ERBB4: variants seen among roughly 807,000 people sequenced by gnomAD.
ERBB4 encodes erb-b2 receptor tyrosine kinase 4, also known as receptor tyrosine-protein kinase erbB-4.
A neutral mutation model predicts 158.0 loss-of-function variants in ERBB4; 42 were observed. The ratio of observed to expected loss-of-function variants is 0.27; its 90% CI spans 0.21 to 0.34. ERBB4 has a LOEUF of 0.34. ERBB4 is among the 10% of genes least tolerant of loss of function. The pLI is 1.00. For missense variants in ERBB4, 1,333 were observed against 1,624.1 expected, an observed-to-expected ratio of 0.82 and a Z score of 3.08; for synonymous variants, 583 against 558.7, an observed-to-expected ratio of 1.04 and a Z score of -0.61.
intron 1 of ERBB4, among the ~76,000 whole-genome samples, chr2:212,435,237 TC>T (rs780350022): frequency 6.6e-6 from 1 of 151,902 alleles, no homozygotes; most frequent in Non-Finnish European, 1.5e-5. Flanking sequence ...TACTACCTAA[TC>T]CCCAGGAGAA....
At chr2:212,405,763 A>T (rs1484632733) in intron 1 of ERBB4, among the ~76,000 whole-genome samples, 1 of 152,144 alleles carries the variant, frequency 6.6e-6, no homozygotes, top group Non-Finnish European at 1.5e-5. Context: ...CTTAGTAAGT[A>T]CATAATGTTG....
At chr2:211,445,150 G>A (rs536813115) in intron 20 of ERBB4, among the ~76,000 whole-genome samples, 9 of 152,158 alleles carry the variant, frequency 5.9e-5, no homozygotes, top group Middle Eastern at 3.4e-3. Flanking sequence ...CTAACATGAC[G>A]TGCACAGCAG....
At chr2:211,604,510 T>C (rs981622993) in intron 19 of ERBB4, among the ~76,000 whole-genome samples, 1 of 152,188 alleles carries the variant, frequency 6.6e-6, no homozygotes, top group African/African-American at 2.4e-5. Context: ...CGACTGCTGA[T>C]TTGTAAGTCA....
intron 20 of ERBB4, among the ~76,000 whole-genome samples, chr2:211,483,824 T>C (rs1285984730): frequency 6.6e-6 from 1 of 152,144 alleles, no homozygotes; most frequent in Non-Finnish European, 1.5e-5. Flanking sequence ...GTGCTGGGAC[T>C]ACAGGCATGA....
At chr2:212,249,260 G>C (rs1023330956) in intron 1 of ERBB4, among the ~76,000 whole-genome samples, 2 of 151,734 alleles carry the variant, frequency 1.3e-5, no homozygotes, top group African/African-American at 2.4e-5. Context: ...ATATGACTAA[G>C]GAAATTGTGT....
chr2:212,168,014 C>T (rs2081400937), intron 1 of ERBB4, among the ~76,000 whole-genome samples: 1 of 151,514 alleles, frequency 6.6e-6, no homozygotes, highest in Admixed American at 6.6e-5. Context: ...ACACGTATAC[C>T]TATGTAACAA....
At chr2:211,974,219 C>T (rs2081541198) in intron 2 of ERBB4, among the ~76,000 whole-genome samples, 1 of 152,050 alleles carries the variant, frequency 6.6e-6, no homozygotes, top group Admixed American at 6.6e-5. Flanking sequence ...CACTTGTACT[C>T]CTGAACTTAA....
intron 2 of ERBB4, among the ~76,000 whole-genome samples, chr2:212,095,035 A>G (rs2078888377): frequency 6.6e-6 from 1 of 152,194 alleles, no homozygotes; most frequent in South Asian, 2.1e-4. Flanking sequence ...GTAAACATCA[A>G]AAGTAATATT....
Position 211,730,860 on chromosome 2 carries a change from C to T in ERBB4, c.623-5666G>A, listed in dbSNP as rs755665137. Among the ~76,000 whole-genome samples the T allele has an allele frequency of 2.4e-4, 36 of 152,076 alleles. No homozygotes were observed. In the South Asian group the frequency reaches 2.5e-3, roughly 11 times the overall value. On this transcript the variant is annotated intron_variant, in intron 5 of 27. Coordinates refer to ENST00000342788, the MANE Select transcript of ERBB4 (RefSeq NM_005235.3). ...CCAATATTCAGTCTAGAGTTGAGAA[C>T]CTTTATTCTAACCAATGGGAGAAAT... is the stretch of plus-strand genomic sequence containing the variant.
chr2:211,571,038 C>CCTCTTTTTTTTTTTTTTTT (rs1437512949), intron 19 of ERBB4, among the ~76,000 whole-genome samples: 20 of 58,746 alleles, frequency 3.4e-4, no homozygotes, highest in African/African-American at 1.4e-3. Context: ...GAGTACTCTT[C>CCTCTTTTTTTTTTTTTTTT]TTCTTTTTTT....
chr2:211,867,374 G>C (rs1332361507), intron 3 of ERBB4, among the ~76,000 whole-genome samples: 1 of 152,060 alleles, frequency 6.6e-6, no homozygotes, highest in Admixed American at 6.6e-5. Context: ...CAAATATATA[G>C]ATCTGCACAA....
At chr2:212,004,659 A>G (rs765715847) in intron 2 of ERBB4, among the ~76,000 whole-genome samples, 3 of 152,122 alleles carry the variant, frequency 2.0e-5, no homozygotes, top group Non-Finnish European at 4.4e-5. Flanking sequence ...AAAACCCATC[A>G]TCTTTTGAGG....
At chr2:212,042,047 T>C (rs2077153968) in intron 2 of ERBB4, among the ~76,000 whole-genome samples, 2 of 152,066 alleles carry the variant, frequency 1.3e-5, no homozygotes, top group South Asian at 2.1e-4. Flanking sequence ...TATCTCCTTT[T>C]TTCCTTCGGT....
intron 1 of ERBB4, among the ~76,000 whole-genome samples, chr2:212,328,921 ATT>A (rs542566574): frequency 6.6e-6 from 1 of 152,018 alleles, no homozygotes; most frequent in Non-Finnish European, 1.5e-5. Flanking sequence ...ACTAGGGCCA[ATT>A]TTGGACATGC....
At chr2:211,886,168 T>C (rs73073331) in intron 3 of ERBB4, among the ~76,000 whole-genome samples, 21,450 of 152,184 alleles carry the variant, frequency 0.14, 1,870 homozygotes, top group African/African-American at 0.24. Flanking sequence ...TCTGCTGAGT[T>C]CTCTAACTTG....
chr2:211,530,468 C>T (rs535749216), intron 20 of ERBB4, among the ~76,000 whole-genome samples: 36 of 152,100 alleles, frequency 2.4e-4, no homozygotes, highest in African/African-American at 7.7e-4. Flanking sequence ...AAAATACCAA[C>T]GATATTTTTC....
At chr2:212,074,351 A>G (rs2078213560) in intron 2 of ERBB4, among the ~76,000 whole-genome samples, 1 of 152,022 alleles carries the variant, frequency 6.6e-6, no homozygotes, top group South Asian at 2.1e-4. Context: ...AGATGCACGT[A>G]TGAGTAAGAA....
Position 211,433,581 on chromosome 2 carries a change from AAAAAT to A in ERBB4, c.2488-2486_2488-2482del, listed in dbSNP as rs201231678. ...GGGCAACAGAGTGAGACTCTCAAAA[AAAAAT>A]AAAATAAAATAAAAAAAGGGGAGTG... On this transcript the variant is annotated intron_variant, in intron 20 of 27. Coordinates refer to ENST00000342788, the MANE Select transcript of ERBB4 (RefSeq NM_005235.3). Among the ~76,000 whole-genome samples, 1,171 of 151,644 alleles carry A rather than the reference AAAAAT, an allele frequency of 7.7e-3. 14 individuals carry two copies. The highest frequency in any genetic ancestry group is 0.026 in the African/African-American group (1,069 of 41,198).
intron 1 of ERBB4, among the ~76,000 whole-genome samples, chr2:212,479,448 T>G (rs1400936158): frequency 1.3e-5 from 2 of 152,126 alleles, no homozygotes; most frequent in African/African-American, 4.8e-5. Context: ...TAATTTGCAA[T>G]TTAAGAAAAG....
Sources: gnomAD v4.1 joint callset for allele counts (sites outside exome capture counted in the v4.1 genomes callset) on GRCh38, gnomAD v4.1.1 for gene constraint, MANE v1.5 for transcripts, NCBI Gene and HGNC (gene_info 2026-07-23, HGNC 2026-07-21) for gene names.